The following ESD variants were observed in gnomAD, a reference collection of about 807,000 sequenced individuals.
ESD encodes the protein esterase D.
In ESD, 34 loss-of-function variants were observed where a neutral mutation model predicts 38.1. The ratio of observed to expected loss-of-function variants is 0.89; its 90% confidence interval spans 0.68 to 1.19. The LOEUF (loss-of-function observed/expected upper bound fraction) is 1.19. Ranked by LOEUF, ESD falls within the 50% of genes most tolerant of loss-of-function variation. The probability of loss-of-function intolerance (pLI) is 0.00; values close to 1 mark genes in which losing one functional copy is unlikely to be tolerated. For synonymous variants in ESD, 97 were observed against 107.0 expected (o/e 0.91, Z 0.58); for missense variants, 334 against 327.2 (o/e 1.02, Z -0.16).
At chr13:46,792,495 C>A (rs1875433503) in intron 2 of ESD, among the ~76,000 whole-genome samples, 1 of 151,806 alleles carries the variant, frequency 6.6e-6, no homozygotes, top group East Asian at 1.9e-4. Flanking sequence ...TTCAATAAAC[C>A]CAAATAGTTT....
intron 9 of ESD, chr13:46,775,696 GAAGTA>G: frequency 2.1e-6 from 1 of 468,888 alleles, no homozygotes; most frequent in Non-Finnish European, 4.4e-6. Context: ...GACCATGCTG[GAAGTA>G]AAGTGAATAG....
intron 9 of ESD, 124 bp from the exon 10 acceptor site, chr13:46,771,620 G>A: frequency 1.8e-6 from 1 of 541,338 alleles, no homozygotes; most frequent in South Asian, 3.0e-5. Context: ...AAGGAAGTAT[G>A]AGGAAGGTTT....
chr13:46,773,649 A>G (rs1306650939), intron 9 of ESD, among the ~76,000 whole-genome samples: 2 of 152,194 alleles, frequency 1.3e-5, no homozygotes, highest in East Asian at 3.8e-4. Flanking sequence ...GAGGTATTAA[A>G]TGTTTATCTT....
intron 6 of ESD, 34 bp downstream of exon 6, chr13:46,782,633 C>G: frequency 6.2e-7 from 1 of 1,603,194 alleles, no homozygotes; most frequent in Non-Finnish European, 8.5e-7. Flanking sequence ...TCTTGGCAGT[C>G]ATCAATTAAT....
chr13:46,789,831 T>C (rs111613003), intron 3 of ESD, among the ~76,000 whole-genome samples: 1,575 of 152,016 alleles, frequency 0.01, 29 homozygotes, highest in African/African-American at 0.036. Flanking sequence ...TTTATGTTTT[T>C]TGAGACAGAG....
chr13:46,796,407 A>G (rs1216966), intron 1 of ESD, among the ~76,000 whole-genome samples: 108,608 of 152,150 alleles, frequency 0.71, 40,516 homozygotes, highest in African/African-American at 0.93. Flanking sequence ...GTAGTGCTTA[A>G]AATGCTGCTT....
chr13:46,779,227 AT>A (rs1049496101), intron 8 of ESD, among the ~76,000 whole-genome samples: 2 of 151,794 alleles, frequency 1.3e-5, no homozygotes, highest in Non-Finnish European at 3.0e-5. Context: ...CAGAATATCT[AT>A]TTTTAAAGAC....
chr13:46,780,065 T>G, intron 7 of ESD, 32 bp from the exon 8 acceptor site: 2 of 1,437,148 alleles, frequency 1.4e-6, no homozygotes, highest in South Asian at 1.3e-5. Flanking sequence ...AAAAACAAGT[T>G]ATATTTTGCT....
chr13:46,785,740 A>G (rs927889085), intron 4 of ESD: 5 of 152,006 alleles, frequency 3.3e-5, no homozygotes, highest in Non-Finnish European at 7.4e-5. Context: ...ATGTAAACAA[A>G]CAAAAATTCT....
At chr13:46,792,806 T>C (rs1447342969) in intron 2 of ESD, among the ~76,000 whole-genome samples, 1 of 151,944 alleles carries the variant, frequency 6.6e-6, no homozygotes, top group Non-Finnish European at 1.5e-5. Context: ...ATAATGAACT[T>C]ATAGAGAGAG....
At chr13:46,784,649 T>C (rs1288040254) in intron 4 of ESD, among the ~76,000 whole-genome samples, 1 of 152,068 alleles carries the variant, frequency 6.6e-6, no homozygotes, top group Non-Finnish European at 1.5e-5. Context: ...TTAAACTGTT[T>C]ATAATACAGG....
chr13:46,787,787 GAAAAACTAAATATATAT>G (rs1425007939), intron 3 of ESD, among the ~76,000 whole-genome samples: 3 of 151,800 alleles, frequency 2.0e-5, no homozygotes, highest in East Asian at 3.9e-4. Flanking sequence ...ACACTGTTAT[GAAAAACTAAATATATAT>G]AAAAACTAAA....
chr13:46,795,613 T>C (rs1349645054), intron 1 of ESD, among the ~76,000 whole-genome samples: 11 of 152,198 alleles, frequency 7.2e-5, no homozygotes, highest in African/African-American at 2.2e-4. Context: ...ACCATGTTAA[T>C]TGTACAATTT....
chr13:46,781,690 A>T (rs1163917590), intron 6 of ESD, 75 bp from the exon 7 acceptor site: 10 of 1,364,736 alleles, frequency 7.3e-6, no homozygotes, highest in Non-Finnish European at 1.0e-5. Flanking sequence ...ACAGAAAATA[A>T]TTACACAATC....
At chr13:46,780,219 A>G (rs542998313) in intron 7 of ESD, among the ~76,000 whole-genome samples, 186 bp from the exon 8 acceptor site, 159 of 151,804 alleles carry the variant, frequency 1.0e-3, no homozygotes, top group African/African-American at 3.7e-3. Flanking sequence ...AGGCCTTTCC[A>G]TAATACATCT....
chr13:46,785,640 C>T (rs1279167330), intron 4 of ESD: 1 of 151,988 alleles, frequency 6.6e-6, no homozygotes, highest in Non-Finnish European at 1.5e-5. Flanking sequence ...ACTGGTCAGG[C>T]AATCTTACCT....
At position 46,787,069 on chromosome 13, in the gene ESD, G is replaced by GT. The variant is rs1158365677; in HGVS notation, c.108dup (p.Pro37ThrfsTer55). 4 of 1,578,306 alleles carry GT rather than the reference G, an allele frequency of 2.5e-6. No homozygotes were observed. Among genetic ancestry groups the GT allele is most frequent in the South Asian group, 1.2e-5 (1 of 86,570 alleles). Reference sequence around the variant, plus strand: ...CACTTTCCTGTTTCTGCCTTTGGTGGTAAGTAGACAGCAAATTTCATTTTG... The same window carrying GT: ...CACTTTCCTGTTTCTGCCTTTGGTGGTTAAGTAGACAGCAAATTTCATTTTG... On this transcript the variant is annotated frameshift_variant, in exon 4 of 10. Coordinates refer to ENST00000378720, the MANE Select transcript of ESD (RefSeq NM_001984.2). LOFTEE classifies it high-confidence loss of function.
At chr13:46,779,025 A>G (rs539958527) in intron 8 of ESD, among the ~76,000 whole-genome samples, 4 of 151,826 alleles carry the variant, frequency 2.6e-5, no homozygotes, top group African/African-American at 7.2e-5. Flanking sequence ...TCTGCTTGTT[A>G]ACAATACACA....
chr13:46,772,151 T>A (rs1166984383), intron 9 of ESD, among the ~76,000 whole-genome samples: 1 of 152,192 alleles, frequency 6.6e-6, no homozygotes, highest in Non-Finnish European at 1.5e-5. Flanking sequence ...GCATGTTGTA[T>A]CTTTATGTGA....
Sources: gnomAD v4.1 joint callset for allele counts (sites outside exome capture counted in the v4.1 genomes callset) on GRCh38, gnomAD v4.1.1 for gene constraint, MANE v1.5 for transcripts, NCBI Gene and HGNC (gene_info 2026-07-23, HGNC 2026-07-21) for gene names.